Variants in MCF2L2 observed in about 807,000 individuals in gnomAD.
The protein encoded by MCF2L2 is probable guanine nucleotide exchange factor MCF2L2.
MCF2L2 carries 102 observed loss-of-function variants against 150.2 expected under a neutral mutation model. That is an observed-to-expected ratio of 0.68 (90% confidence interval 0.58 to 0.80). The LOEUF (loss-of-function observed/expected upper bound fraction) is 0.80, where lower values mean the gene tolerates loss of function less well. MCF2L2 is among the 30% of genes least tolerant of loss of function. MCF2L2 has a pLI of 0.00. For synonymous variants in MCF2L2, 465 were observed against 491.3 expected, an observed-to-expected ratio of 0.95 and a Z score of 0.71; for missense variants, 1,256 against 1,372.8, an observed-to-expected ratio of 0.91 and a Z score of 1.34.
At chr3:183,297,822 C>G (rs559721827) in intron 11 of MCF2L2, 5 of 152,786 alleles carry the variant, frequency 3.3e-5, no homozygotes, top group African/African-American at 1.2e-4. Context: ...GCACTGCACC[C>G]ACCCAGCCTT....
At chr3:183,328,544 A>G (rs1324374853) in intron 5 of MCF2L2, among the ~76,000 whole-genome samples, 1 of 152,022 alleles carries the variant, frequency 6.6e-6, no homozygotes, top group Non-Finnish European at 1.5e-5. Context: ...AGCAGCCTAC[A>G]CATTAGTTGT....
intron 22 of MCF2L2, among the ~76,000 whole-genome samples, chr3:183,212,364 C>G (rs541700684): frequency 6.6e-6 from 1 of 152,276 alleles, no homozygotes; most frequent in East Asian, 1.9e-4. Flanking sequence ...CCATGTCACA[C>G]GGTGTGTGGA....
intron 3 of MCF2L2, among the ~76,000 whole-genome samples, chr3:183,367,398 T>C (rs184495001): frequency 4.0e-4 from 61 of 152,172 alleles, no homozygotes; most frequent in African/African-American, 1.3e-3. Context: ...GGCTACTTTT[T>C]TTTGTATTTT....
intron 1 of MCF2L2, among the ~76,000 whole-genome samples, chr3:183,406,451 C>T (rs1376079956): frequency 6.6e-6 from 1 of 152,128 alleles, no homozygotes; most frequent in African/African-American, 2.4e-5. Flanking sequence ...TCTTTTTATA[C>T]ATTCTGGATC....
chr3:183,228,106 T>C, intron 18 of MCF2L2, 191 bp downstream of exon 18: 1 of 561,694 alleles, frequency 1.8e-6, no homozygotes, highest in Non-Finnish European at 3.2e-6. Context: ...GGTGTAAGTA[T>C]ATCAAACCAT....
intron 27 of MCF2L2, among the ~76,000 whole-genome samples, chr3:183,185,299 G>A (rs1721657616): frequency 6.6e-6 from 1 of 152,232 alleles, no homozygotes; most frequent in Non-Finnish European, 1.5e-5. Context: ...GAAGTGGTGA[G>A]CTGCTTAAAA....
intron 27 of MCF2L2, among the ~76,000 whole-genome samples, chr3:183,189,577 T>C (rs1362870168): frequency 6.6e-6 from 1 of 152,108 alleles, no homozygotes; most frequent in Admixed American, 6.6e-5. Flanking sequence ...TATCTCTTTG[T>C]CCTCATGCCA....
Position 183,207,644 on chromosome 3 carries a change from T to C in MCF2L2, c.2676A>G (p.Gly892=). 6.2e-7 allele frequency: 1 copy of C among 1,614,200 alleles called. No homozygotes were observed. Among genetic ancestry groups the C allele is most frequent in the Non-Finnish European group, 8.5e-7 (1 of 1,179,992 alleles). The change falls in exon 23 of 30, where the codon GGA becomes GGG. Residue 892 remains glycine (G), a synonymous_variant. Transcript: ENST00000328913. ...TCTTGAAGCTGTAATGAGGAGATAA[T>C]CCCTGGTCCCCAGGCTCCATTCGTA... is the stretch of plus-strand genomic sequence containing the variant. ...CKIRMEPGDQ[G]LSPHYSFKKT... is the part of the protein sequence containing the mutation.
At chr3:183,296,948 C>A in intron 12 of MCF2L2, 28 bp downstream of exon 12, 2 of 1,601,168 alleles carry the variant, frequency 1.2e-6, no homozygotes, top group South Asian at 1.1e-5. Flanking sequence ...TTCCCAACCA[C>A]AGGATCAAAA....
At chr3:183,271,289 C>G (rs188432305) in intron 15 of MCF2L2, 4 of 178,980 alleles carry the variant, frequency 2.2e-5, no homozygotes, top group African/African-American at 4.8e-5. Flanking sequence ...ACCAAATGAA[C>G]GTACAGTACA....
At chr3:183,321,397 C>A (rs1729805537) in intron 6 of MCF2L2, among the ~76,000 whole-genome samples, 1 of 146,716 alleles carries the variant, frequency 6.8e-6, no homozygotes, top group South Asian at 2.1e-4. Context: ...GAGATTGTGC[C>A]ACTGCACTCC....
At chr3:183,313,558 T>A (rs1186852874) in intron 7 of MCF2L2, among the ~76,000 whole-genome samples, 1 of 152,180 alleles carries the variant, frequency 6.6e-6, no homozygotes, top group Non-Finnish European at 1.5e-5. Flanking sequence ...AAATCTGTCA[T>A]GAACACAGAC....
chr3:183,390,116 C>T (rs1382022503), intron 1 of MCF2L2, among the ~76,000 whole-genome samples: 1 of 152,190 alleles, frequency 6.6e-6, no homozygotes, highest in South Asian at 2.1e-4. Context: ...AGGTATTTGC[C>T]TACACCTTTG....
At chr3:183,258,305 ACTC>A (rs1725272082) in intron 15 of MCF2L2, 1 of 151,682 alleles carries the variant, frequency 6.6e-6, no homozygotes, top group Non-Finnish European at 1.5e-5. Context: ...TCCTTGCCCT[ACTC>A]CTCCCTTCTC....
chr3:183,360,294 G>C (rs1032172924), intron 3 of MCF2L2, among the ~76,000 whole-genome samples: 2 of 152,154 alleles, frequency 1.3e-5, no homozygotes, highest in African/African-American at 2.4e-5. Flanking sequence ...GGGGTAGAAG[G>C]GGGTGGCTCA....
intron 3 of MCF2L2, chr3:183,375,016 A>T (rs909060856): frequency 6.6e-6 from 1 of 152,242 alleles, no homozygotes; most frequent in Non-Finnish European, 1.5e-5. Context: ...CAGCCTAAGG[A>T]TACTACAACA....
At chr3:183,239,723 G>T (rs1404451973) in intron 15 of MCF2L2, among the ~76,000 whole-genome samples, 1 of 152,154 alleles carries the variant, frequency 6.6e-6, no homozygotes, top group Non-Finnish European at 1.5e-5. Flanking sequence ...CATTATGCAT[G>T]TCAGAAAGCA....
At chr3:183,413,799 T>C (rs1425742285) in intron 1 of MCF2L2, among the ~76,000 whole-genome samples, 2 of 152,190 alleles carry the variant, frequency 1.3e-5, no homozygotes, top group African/African-American at 4.8e-5. Context: ...TCCTTCCAAT[T>C]ACTCCTTACA....
At chr3:183,379,959 G>GGTATT (rs1421644812) in intron 2 of MCF2L2, among the ~76,000 whole-genome samples, 6 of 151,888 alleles carry the variant, frequency 4.0e-5, no homozygotes, top group African/African-American at 1.5e-4. Flanking sequence ...TACATGGTAA[G>GGTATT]GTGAGGATTA....
Sources: allele counts gnomAD v4.1 joint callset (sites outside exome capture counted in the v4.1 genomes callset), GRCh38; gene constraint gnomAD v4.1.1; transcripts MANE v1.5; gene names NCBI Gene and HGNC (gene_info 2026-07-23, HGNC 2026-07-21).